PDE4D: variants seen among roughly 807,000 people sequenced by gnomAD.
PDE4D encodes 3',5'-cyclic-AMP phosphodiesterase 4D.
PDE4D carries 24 observed loss-of-function variants against 87.4 expected under a neutral mutation model. The ratio of observed to expected loss-of-function variants is 0.27; its 90% CI spans 0.20 to 0.39. The LOEUF (loss-of-function observed/expected upper bound fraction) is 0.39. PDE4D is among the 10% of genes least tolerant of loss of function. The pLI, the probability that PDE4D is intolerant of heterozygous loss-of-function variation, is 1.00. For missense variants in PDE4D, 714 were observed against 1,041.0 expected (o/e 0.69, Z 4.32); for synonymous variants, 384 against 383.2 (o/e 1.00, Z -0.02).
chr5:59,971,977 T>G (rs1225791705), intron 3 of PDE4D, among the ~76,000 whole-genome samples: 2 of 152,184 alleles, frequency 1.3e-5, no homozygotes, highest in African/African-American at 2.4e-5. Flanking sequence ...AATAAGCAGC[T>G]GGGAGGCTGG....
chr5:60,480,889 T>C (rs1748679718), intron 1 of PDE4D, among the ~76,000 whole-genome samples: 1 of 152,174 alleles, frequency 6.6e-6, no homozygotes, highest in Admixed American at 6.5e-5. Flanking sequence ...TGCTAGGATG[T>C]CAGATTGAGG....
chr5:60,066,918 G>C (rs941252596), intron 2 of PDE4D, among the ~76,000 whole-genome samples: 6 of 152,026 alleles, frequency 3.9e-5, no homozygotes, highest in African/African-American at 1.4e-4. Flanking sequence ...GTGGTCATCT[G>C]TCACCATCTA....
intron 1 of PDE4D, among the ~76,000 whole-genome samples, chr5:59,287,695 G>A (rs1767237991): frequency 6.6e-6 from 1 of 151,120 alleles, no homozygotes; most frequent in Non-Finnish European, 1.5e-5. Context: ...CCCTCCCCCA[G>A]ATCCAGGAAA....
At chr5:59,463,817 ACTGTGT>A (rs1801128603) in intron 1 of PDE4D, among the ~76,000 whole-genome samples, 1 of 152,198 alleles carries the variant, frequency 6.6e-6, no homozygotes, top group South Asian at 2.1e-4. Context: ...TCAGATTGTC[ACTGTGT>A]CTGTGTAGAA....
At chr5:59,476,251 T>C (rs1381231352) in intron 1 of PDE4D, among the ~76,000 whole-genome samples, 1 of 151,916 alleles carries the variant, frequency 6.6e-6, no homozygotes, top group South Asian at 2.1e-4. Flanking sequence ...TTATGTGATG[T>C]GGTGGGAGGG....
chr5:59,692,560 C>A (rs554194205), intron 1 of PDE4D, among the ~76,000 whole-genome samples: 61 of 152,086 alleles, frequency 4.0e-4, no homozygotes, highest in Non-Finnish European at 6.3e-4. Context: ...GCACACACCT[C>A]AGGTATTAAA....
At chr5:59,519,711 T>C (rs1349115376) in intron 1 of PDE4D, among the ~76,000 whole-genome samples, 3 of 152,238 alleles carry the variant, frequency 2.0e-5, no homozygotes, top group Non-Finnish European at 4.4e-5. Context: ...AGCAACACGA[T>C]GTGAACTAAT....
intron 1 of PDE4D, among the ~76,000 whole-genome samples, chr5:59,626,142 G>A (rs574161578): frequency 6.6e-6 from 1 of 152,070 alleles, no homozygotes; most frequent in Non-Finnish European, 1.5e-5. Context: ...TCCATTTTAG[G>A]GTCCGTTAAC....
intron 1 of PDE4D, among the ~76,000 whole-genome samples, chr5:59,728,239 T>C (rs1337292288): frequency 6.6e-6 from 1 of 152,088 alleles, no homozygotes; most frequent in Non-Finnish European, 1.5e-5. Flanking sequence ...CTAAAGTTCA[T>C]GGTAATATGA....
chr5:60,007,856 T>C (rs944939700), intron 2 of PDE4D, among the ~76,000 whole-genome samples: 1 of 152,032 alleles, frequency 6.6e-6, no homozygotes, highest in African/African-American at 2.4e-5. Flanking sequence ...TGCTCTGATA[T>C]AGCTGTAAAC....
intron 5 of PDE4D, among the ~76,000 whole-genome samples, chr5:59,079,578 C>A (rs1766307404): frequency 6.6e-6 from 1 of 151,892 alleles, no homozygotes; most frequent in Admixed American, 6.6e-5. Context: ...GTAATCCCTA[C>A]ACTTTGCATG....
chr5:59,937,474 G>C (rs771617271), intron 3 of PDE4D, among the ~76,000 whole-genome samples: 6 of 152,140 alleles, frequency 3.9e-5, no homozygotes, highest in Non-Finnish European at 8.8e-5. Context: ...AGTTCTAGAG[G>C]CTGCAAGTCT....
intron 1 of PDE4D, among the ~76,000 whole-genome samples, chr5:59,663,167 G>T (rs1376492570): frequency 2.0e-5 from 3 of 148,554 alleles, no homozygotes; most frequent in Non-Finnish European, 3.0e-5. Flanking sequence ...ATTTTTCTTT[G>T]TTTTTTTTTT....
intron 1 of PDE4D, among the ~76,000 whole-genome samples, chr5:59,833,594 G>A (rs1261555867): frequency 3.9e-5 from 6 of 151,932 alleles, no homozygotes; most frequent in African/African-American, 7.3e-5. Flanking sequence ...ATTACTGAAC[G>A]GTAGCCGTGT....
chr5:59,050,916 T>C (rs1011156579), intron 5 of PDE4D, among the ~76,000 whole-genome samples: 6 of 152,358 alleles, frequency 3.9e-5, no homozygotes, highest in African/African-American at 1.4e-4. Flanking sequence ...TGCAGAGTTG[T>C]TTAAATAAGT....
intron 1 of PDE4D, among the ~76,000 whole-genome samples, chr5:59,613,544 G>C (rs1204124428): frequency 3.3e-5 from 5 of 152,166 alleles, no homozygotes. Context: ...ACATGTCCAT[G>C]CTAAGACTTT....
At chr5:60,134,642 C>T (rs1245443102) in intron 2 of PDE4D, among the ~76,000 whole-genome samples, 1 of 152,190 alleles carries the variant, frequency 6.6e-6, no homozygotes, top group African/African-American at 2.4e-5. Flanking sequence ...TAGTGTTTGC[C>T]TATAACCCAT....
At chr5:60,291,561 A>G (rs930642147) in intron 1 of PDE4D, among the ~76,000 whole-genome samples, 3 of 152,182 alleles carry the variant, frequency 2.0e-5, no homozygotes, top group Admixed American at 6.5e-5. Context: ...AGATGATGCT[A>G]ATCGTTAAGA....
At chr5:59,039,061 G>A in intron 5 of PDE4D, 90 bp from the exon 6 acceptor site, 3 of 1,504,398 alleles carry the variant, frequency 2.0e-6, no homozygotes, top group Non-Finnish European at 2.7e-6. Flanking sequence ...GCCATACCCC[G>A]CCATGCTCGG....
Sources: allele counts gnomAD v4.1 joint callset (sites outside exome capture counted in the v4.1 genomes callset), GRCh38; gene constraint gnomAD v4.1.1; transcripts MANE v1.5; gene names NCBI Gene and HGNC (gene_info 2026-07-23, HGNC 2026-07-21).